The following ITPKB variants were observed in gnomAD, a reference collection of about 807,000 sequenced individuals.
ITPKB encodes the protein inositol-trisphosphate 3-kinase B.
Under a neutral mutation model 69.4 loss-of-function variants are expected in ITPKB, and 13 were observed. The ratio of observed to expected loss-of-function variants is 0.19; its 90% CI spans 0.12 to 0.30. The LOEUF (loss-of-function observed/expected upper bound fraction) is 0.30, where lower values mean the gene tolerates loss of function less well. Ranked by LOEUF, ITPKB falls within the 10% of genes least tolerant of loss-of-function variation. The pLI, the probability that ITPKB is intolerant of heterozygous loss-of-function variation, is 1.00. For synonymous variants in ITPKB, 584 were observed against 513.7 expected, an observed-to-expected ratio of 1.14 and a Z score of -1.85; for missense variants, 1,240 against 1,250.5, an observed-to-expected ratio of 0.99 and a Z score of 0.13.
intron 2 of ITPKB, among the ~76,000 whole-genome samples, chr1:226,703,634 C>T (rs923056863): frequency 1.4e-4 from 21 of 152,206 alleles, no homozygotes; most frequent in Non-Finnish European, 2.8e-4. Flanking sequence ...GCGGCCGCCC[C>T]TGTCGCCTTC....
chr1:226,713,307 T>G (rs777561104), intron 2 of ITPKB, among the ~76,000 whole-genome samples: 1 of 152,170 alleles, frequency 6.6e-6, no homozygotes, highest in African/African-American at 2.4e-5. Context: ...CCTGGCTTCC[T>G]ACACACCATG....
intron 2 of ITPKB, chr1:226,707,220 G>A (rs978868361): frequency 6.5e-6 from 3 of 462,366 alleles, no homozygotes; most frequent in Non-Finnish European, 8.5e-6. Context: ...TTTTGAGATG[G>A]AGTTTAGCTC....
chr1:226,699,159 G>C (rs538952342), intron 2 of ITPKB, among the ~76,000 whole-genome samples: 13 of 152,370 alleles, frequency 8.5e-5, no homozygotes, highest in Non-Finnish European at 1.3e-4. Context: ...CATCTAGAAG[G>C]AAAGTACTCA....
chr1:226,678,293 C>T (rs1365950924), intron 2 of ITPKB, among the ~76,000 whole-genome samples: 2 of 152,172 alleles, frequency 1.3e-5, no homozygotes, highest in Non-Finnish European at 2.9e-5. Flanking sequence ...TAAAACGACA[C>T]AAAATGAAAA....
intron 2 of ITPKB, among the ~76,000 whole-genome samples, chr1:226,679,385 T>C (rs1347273969): frequency 1.3e-5 from 2 of 152,204 alleles, no homozygotes; most frequent in Non-Finnish European, 2.9e-5. Flanking sequence ...CAGAACTCTT[T>C]GAGTTCTTCT....
Position 226,737,208 on chromosome 1 carries a change from C to T in ITPKB, c.251G>A (p.Ser84Asn). 1 of 1,580,734 alleles carries T rather than the reference C, an allele frequency of 6.3e-7. No individual in the cohort carries two copies. Among genetic ancestry groups the T allele is most frequent in the Non-Finnish European group, 8.5e-7 (1 of 1,171,050 alleles). The change falls in exon 2 of 8, where the codon AGT becomes AAT. Residue 84 changes from serine (S) to asparagine (N), a missense_variant. By Grantham distance (46) the Ser-to-Asn change is conservative (BLOSUM62 1). Transcript: ENST00000429204. ...GWRSGRRRLN[S>N]SSGSGSGSSG... ...GCTGCCGCTGCCACTGCCGCTGCTA[C>T]TATTCAGCCTGCGCCGGCCGCTCCG...
intron 2 of ITPKB, among the ~76,000 whole-genome samples, chr1:226,667,204 C>A (rs551051626): frequency 3.9e-5 from 6 of 152,224 alleles, no homozygotes; most frequent in African/African-American, 1.2e-4. Context: ...ATGAGTGTTA[C>A]CCCCACTAGA....
intron 2 of ITPKB, among the ~76,000 whole-genome samples, chr1:226,689,693 G>C (rs1476362071): frequency 1.3e-5 from 2 of 151,466 alleles, no homozygotes; most frequent in Non-Finnish European, 2.9e-5. Flanking sequence ...ATGGGGGTTT[G>C]TTTTACAGAT....
chr1:226,643,316 C>A (rs1326025457), intron 4 of ITPKB, among the ~76,000 whole-genome samples: 1 of 152,226 alleles, frequency 6.6e-6, no homozygotes. Context: ...AGTCATCCCA[C>A]CCCCGCTCCT....
chr1:226,664,842 A>C (rs1669467229), intron 2 of ITPKB, among the ~76,000 whole-genome samples: 1 of 152,202 alleles, frequency 6.6e-6, no homozygotes, highest in Admixed American at 6.5e-5. Context: ...TGGGCAGCTG[A>C]GCTATTTACA....
intron 2 of ITPKB, among the ~76,000 whole-genome samples, chr1:226,666,082 G>A (rs968993195): frequency 1.3e-5 from 2 of 152,172 alleles, no homozygotes; most frequent in Admixed American, 6.5e-5. Context: ...AGACATGACC[G>A]CAGAGGGCTA....
In ITPKB at chr1:226,737,052, C is replaced by T; in HGVS notation, c.407G>A (p.Arg136His). 1 of 1,612,104 alleles carries T rather than the reference C, an allele frequency of 6.2e-7. No homozygotes were observed. The highest frequency in any genetic ancestry group is 8.5e-7 in the Non-Finnish European group (1 of 1,179,944). ...GTTCACCTGCACGTTCTGCAACTCG[C>T]GCTGCAAGATCCGCAGCTTCCTCTT... is the stretch of plus-strand genomic sequence containing the variant. ...EAKRKLRILQ[R>H]ELQNVQVNQK... The change falls in exon 2 of 8, where the codon CGC (arginine) becomes CAC (histidine). Residue 136 changes from arginine to histidine, a missense_variant. This residue lies in a region of ITPKB where 992 missense variants were observed against 853.8 expected (regional missense o/e 1.16). Transcript: ENST00000429204.
intron 2 of ITPKB, among the ~76,000 whole-genome samples, chr1:226,660,212 T>C (rs1355574497): frequency 6.6e-6 from 1 of 152,234 alleles, no homozygotes; most frequent in East Asian, 1.9e-4. Flanking sequence ...CCTCAATCTG[T>C]GATGCCCTTG....
intron 2 of ITPKB, among the ~76,000 whole-genome samples, chr1:226,712,127 C>T (rs1333025515): frequency 1.3e-5 from 2 of 152,146 alleles, no homozygotes; most frequent in African/African-American, 4.8e-5. Context: ...TTATATATAG[C>T]ACCTGTGTCT....
intron 2 of ITPKB, among the ~76,000 whole-genome samples, chr1:226,690,564 T>C (rs926040378): frequency 6.6e-6 from 1 of 152,192 alleles, no homozygotes; most frequent in Admixed American, 6.5e-5. Context: ...GTTTACCCTT[T>C]CATCAAGAGG....
rs1669394997 is a variant in ITPKB at position 226,661,088 on chromosome 1, C to A, written c.1933-12317G>T. 2.0e-5 allele frequency among the ~76,000 whole-genome samples: 3 copies of A among 152,266 alleles called. No individual in the cohort carries two copies. In the South Asian group the frequency reaches 6.2e-4, roughly 32 times the overall value. ...TGGAACCTCCGAGCACCCGCAGAGT[C>A]CATCTTGGGCCGCTCTCTCAGAGGC... On this transcript the variant is annotated intron_variant, in intron 2 of 7. Coordinates refer to ENST00000429204, the MANE Select transcript of ITPKB (RefSeq NM_002221.4).
At chr1:226,673,498 G>A (rs557365484) in intron 2 of ITPKB, among the ~76,000 whole-genome samples, 151 of 152,210 alleles carry the variant, frequency 9.9e-4, no homozygotes, top group Non-Finnish European at 1.8e-3. Flanking sequence ...AGATAATCAC[G>A]GCAACTAGGT....
rs554891024 is a variant in ITPKB, at chr1:226,677,584, A to G, written c.1933-28813T>C. 8.5e-5 allele frequency among the ~76,000 whole-genome samples: 13 copies of G among 152,330 alleles called. No individual in the cohort carries two copies. The East Asian group carries it at 2.3e-3, about 27-fold the overall frequency. ...CTGGAGGTACTCCCTCTTCCCCTTA[A>G]GGGCCCAGCTCAGAGCTGCACAGCA... On this transcript the variant is annotated intron_variant, in intron 2 of 7. Transcript: ENST00000429204.
intron 2 of ITPKB, among the ~76,000 whole-genome samples, chr1:226,703,722 C>T (rs751189267): frequency 1.3e-5 from 2 of 152,244 alleles, no homozygotes; most frequent in African/African-American, 4.8e-5. Context: ...TGCGCTCCCC[C>T]AGGCGGGAAA....
Sources: gnomAD v4.1 joint callset for allele counts (sites outside exome capture counted in the v4.1 genomes callset) on GRCh38, gnomAD v4.1.1 for gene constraint, gnomAD v4.1.1 regional missense constraint, MANE v1.5 for transcripts, NCBI Gene and HGNC (gene_info 2026-07-23, HGNC 2026-07-21) for gene names.